The following CCBE1 variants were observed in gnomAD, a reference collection of about 807,000 sequenced individuals.
CCBE1 encodes the protein collagen and calcium-binding EGF domain-containing protein 1.
Under a neutral mutation model 50.0 loss-of-function variants are expected in CCBE1, and 37 were observed. The ratio of observed to expected loss-of-function variants is 0.74; its 90% CI spans 0.57 to 0.97. The LOEUF (loss-of-function observed/expected upper bound fraction) is 0.97. Among genes scored for constraint, CCBE1 ranks in the 50% least tolerant of loss-of-function variants. CCBE1 has a pLI of 0.00. For missense variants in CCBE1, 538 were observed against 523.8 expected (o/e 1.03, Z -0.26); for synonymous variants, 234 against 203.7 (o/e 1.15, Z -1.27).
chr18:59,444,597 G>C (rs1910590742), intron 7 of CCBE1, among the ~76,000 whole-genome samples: 1 of 151,754 alleles, frequency 6.6e-6, no homozygotes, highest in African/African-American at 2.4e-5. Flanking sequence ...GCTCACTGTA[G>C]CCTCGACCTC....
chr18:59,620,735 C>T (rs567591543), intron 2 of CCBE1, among the ~76,000 whole-genome samples: 1 of 152,126 alleles, frequency 6.6e-6, no homozygotes, highest in Admixed American at 6.6e-5. Context: ...ATAAGACATC[C>T]CTTTGCTCTT....
intron 5 of CCBE1, among the ~76,000 whole-genome samples, chr18:59,456,074 G>A (rs573157551): frequency 7.9e-5 from 12 of 152,232 alleles, no homozygotes; most frequent in East Asian, 3.9e-4. Flanking sequence ...CACATCAAAT[G>A]TTCCATGAAG....
chr18:59,692,551 G>T (rs1352025814), intron 2 of CCBE1, among the ~76,000 whole-genome samples: 1 of 152,138 alleles, frequency 6.6e-6, no homozygotes, highest in Non-Finnish European at 1.5e-5. Flanking sequence ...CCTCAAATGT[G>T]TCCTTACCTA....
chr18:59,678,602 C>T (rs558067005), intron 2 of CCBE1, among the ~76,000 whole-genome samples: 5 of 152,172 alleles, frequency 3.3e-5, no homozygotes, highest in African/African-American at 4.8e-5. Context: ...GTGTGATCTC[C>T]GCTCAGTGCA....
At chr18:59,602,531 T>A (rs1368444092) in intron 2 of CCBE1, among the ~76,000 whole-genome samples, 1 of 152,158 alleles carries the variant, frequency 6.6e-6, no homozygotes, top group East Asian at 1.9e-4. Context: ...TCTAGGTTTT[T>A]AAAAACCACA....
intron 2 of CCBE1, among the ~76,000 whole-genome samples, chr18:59,691,302 G>C (rs979505773): frequency 6.6e-6 from 1 of 152,240 alleles, no homozygotes; most frequent in African/African-American, 2.4e-5. Flanking sequence ...GCCTAACACA[G>C]GAGAGGAGAA....
At chr18:59,478,096 C>A (rs1416092522) in intron 3 of CCBE1, among the ~76,000 whole-genome samples, 1 of 152,186 alleles carries the variant, frequency 6.6e-6, no homozygotes, top group African/African-American at 2.4e-5. Context: ...TCCCCTCCCA[C>A]ACCCCACCAA....
intron 2 of CCBE1, among the ~76,000 whole-genome samples, chr18:59,670,982 G>A (rs947701954): frequency 3.3e-5 from 5 of 152,100 alleles, no homozygotes; most frequent in African/African-American, 9.7e-5. Flanking sequence ...TCACTCCATC[G>A]TACAAGGCAT....
At chr18:59,517,346 G>A (rs1391678450) in intron 2 of CCBE1, among the ~76,000 whole-genome samples, 2 of 152,168 alleles carry the variant, frequency 1.3e-5, no homozygotes, top group Non-Finnish European at 2.9e-5. Context: ...ATTCTATTTA[G>A]CTACCTTGGG....
chr18:59,489,639 C>T (rs1289470041), intron 2 of CCBE1, among the ~76,000 whole-genome samples: 1 of 152,118 alleles, frequency 6.6e-6, no homozygotes, highest in Admixed American at 6.5e-5. Flanking sequence ...TCTCGAACTC[C>T]TGACATCAAG....
chr18:59,491,984 A>G (rs1162780108), intron 2 of CCBE1, among the ~76,000 whole-genome samples: 1 of 151,498 alleles, frequency 6.6e-6, no homozygotes, highest in Non-Finnish European at 1.5e-5. Context: ...TGTCTCTACT[A>G]AAATACAAAA....
intron 9 of CCBE1, among the ~76,000 whole-genome samples, chr18:59,438,403 C>A (rs1910258855): frequency 6.6e-6 from 1 of 152,180 alleles, no homozygotes; most frequent in Admixed American, 6.5e-5. Flanking sequence ...TTCATATTTC[C>A]CAACAGCATG....
chr18:59,495,907 G>A (rs1038299082), intron 2 of CCBE1, among the ~76,000 whole-genome samples: 6 of 152,134 alleles, frequency 3.9e-5, no homozygotes, highest in African/African-American at 1.2e-4. Context: ...TGGTCAACAC[G>A]TGACTAAACT....
At chr18:59,689,237 C>T (rs2054697639) in intron 2 of CCBE1, among the ~76,000 whole-genome samples, 1 of 152,296 alleles carries the variant, frequency 6.6e-6, no homozygotes, top group East Asian at 1.9e-4. Context: ...ACGGGGCTGA[C>T]ATCCGTCCCT....
At chr18:59,622,608 C>T (rs1413902439) in intron 2 of CCBE1, among the ~76,000 whole-genome samples, 31 of 151,750 alleles carry the variant, frequency 2.0e-4, no homozygotes, top group Admixed American at 2.0e-3. Flanking sequence ...CTAGACCAGC[C>T]TGACCAACGT....
chr18:59,646,952 G>T (rs1411744027), intron 2 of CCBE1, among the ~76,000 whole-genome samples: 2 of 152,204 alleles, frequency 1.3e-5, no homozygotes, highest in African/African-American at 4.8e-5. Context: ...AAACTCTGGG[G>T]ACCACCAGCC....
chr18:59,469,700 C>T, intron 3 of CCBE1, 93 bp from the exon 4 acceptor site: 2 of 1,526,588 alleles, frequency 1.3e-6, no homozygotes, highest in Non-Finnish European at 1.8e-6. Context: ...CTGGGCTCTG[C>T]TCAAGGGCAC....
chr18:59,581,327 G>T (rs907814840), intron 2 of CCBE1, among the ~76,000 whole-genome samples: 7 of 151,768 alleles, frequency 4.6e-5, no homozygotes, highest in Non-Finnish European at 7.4e-5. Context: ...TGTAATCCCA[G>T]CTACTCAGGA....
In CCBE1 at chr18:59,448,102, A is replaced by G; in HGVS notation, c.656T>C (p.Ile219Thr). 6.2e-7 allele frequency: 1 copy of G among 1,613,914 alleles called. No individual in the cohort carries two copies. The highest frequency in any genetic ancestry group is 1.3e-5 in the African/African-American group (1 of 74,972). Residue 219 changes from isoleucine to threonine, a missense_variant and splice_region_variant, in exon 7 of 11, where the codon ATT (isoleucine) becomes ACT (threonine). Physicochemically the swap from Ile to Thr is moderately conservative, Grantham distance 89. Coordinates refer to ENST00000439986, the MANE Select transcript of CCBE1 (RefSeq NM_133459.4). ...KQTVLQLKQKIALLPNNAADL... is the reference protein window; with the variant it reads ...KQTVLQLKQKTALLPNNAADL... Reference sequence around the variant, plus strand: ...AGCTGCATTGTTGGGGAGCAGAGCAATCTGCAAGGAGAAGAGGAAGCCTCA... The same window carrying G: ...AGCTGCATTGTTGGGGAGCAGAGCAGTCTGCAAGGAGAAGAGGAAGCCTCA...
Sources: allele counts gnomAD v4.1 joint callset (sites outside exome capture counted in the v4.1 genomes callset), GRCh38; gene constraint gnomAD v4.1.1; transcripts MANE v1.5; gene names NCBI Gene and HGNC (gene_info 2026-07-23, HGNC 2026-07-21).